UGT3A1: variants seen among roughly 807,000 people sequenced by gnomAD.
UGT3A1 encodes the protein UDP-glycosyltransferase 3A1.
UGT3A1 carries 40 observed loss-of-function variants against 37.6 expected under a neutral mutation model. The ratio of observed to expected loss-of-function variants is 1.06; its 90% CI spans 0.83 to 1.38. The LOEUF (loss-of-function observed/expected upper bound fraction) is 1.38. UGT3A1 is among the 40% of genes most tolerant of loss of function. The pLI is 0.00. For missense variants in UGT3A1, 642 were observed against 634.2 expected, an observed-to-expected ratio of 1.01 and a Z score of -0.13; for synonymous variants, 256 against 232.3, an observed-to-expected ratio of 1.10 and a Z score of -0.93.
chr5:35,967,819 T>C (rs751959433), intron 3 of UGT3A1, among the ~76,000 whole-genome samples, 200 bp downstream of exon 3: 1 of 152,080 alleles, frequency 6.6e-6, no homozygotes, highest in Non-Finnish European at 1.5e-5. Context: ...CACCCAGCTG[T>C]CCTCTATTTC....
At chr5:35,972,815 G>A (rs1269121285) in intron 2 of UGT3A1, among the ~76,000 whole-genome samples, 1 of 151,072 alleles carries the variant, frequency 6.6e-6, no homozygotes, top group African/African-American at 2.4e-5. Context: ...GGAAAGAAAA[G>A]AATGAGATCA....
At position 35,954,472 on chromosome 5, in the gene UGT3A1, C is replaced by T; in HGVS notation, c.1302G>A (p.Lys434=). 2.5e-6 allele frequency: 4 copies of T among 1,613,690 alleles called. No homozygotes were observed. The highest frequency in any genetic ancestry group is 3.4e-6 in the Non-Finnish European group (4 of 1,179,630). Residue 434 remains lysine, a synonymous_variant, in exon 7 of 7, where the codon AAG becomes AAA. Transcript: ENST00000274278. ...MKQVIEDKRY[K]SAVVAASVIL... ...TGACACTGGCTGCCACCACTGCCGA[C>T]TTGTACCTGTTGGCGGAGACAGAGA... is the stretch of plus-strand genomic sequence containing the variant.
At chr5:35,960,077 A>G (rs1169616925) in intron 4 of UGT3A1, among the ~76,000 whole-genome samples, 2 of 152,206 alleles carry the variant, frequency 1.3e-5, no homozygotes, top group Non-Finnish European at 2.9e-5. Context: ...GGCTTCATGA[A>G]TTGGGACACT....
chr5:35,958,414 C>T (rs1561455199), intron 4 of UGT3A1, among the ~76,000 whole-genome samples: 2 of 152,188 alleles, frequency 1.3e-5, no homozygotes, highest in Non-Finnish European at 2.9e-5. Flanking sequence ...TCTACTGGGT[C>T]ATTGTGTAGG....
At chr5:35,994,875 T>C (rs1741058554), upstream of UGT3A1, among the ~76,000 whole-genome samples, 1 of 152,154 alleles carries the variant, frequency 6.6e-6, no homozygotes, top group Admixed American at 6.5e-5. Flanking sequence ...TTGTGGCAAA[T>C]AGTCATGCAA....
At chr5:35,991,460 T>C (rs74622729), upstream of UGT3A1, 5,962 of 1,384,116 alleles carry the variant, frequency 4.3e-3, 124 homozygotes, top group East Asian at 0.062. Context: ...CCTCACCCTA[T>C]CAAACTACCT....
At chr5:35,954,617 T>C in intron 6 of UGT3A1, 139 bp from the exon 7 acceptor site, 2 of 1,119,592 alleles carry the variant, frequency 1.8e-6, no homozygotes, top group Non-Finnish European at 2.5e-6. Context: ...AGAAAATTTG[T>C]TGGCATGGCC....
chr5:35,995,113 A>G (rs998466380), upstream of UGT3A1, among the ~76,000 whole-genome samples: 1 of 151,910 alleles, frequency 6.6e-6, no homozygotes, highest in African/African-American at 2.4e-5. Context: ...CTCATCAAGA[A>G]CTCTGTAATC....
At position 35,959,211 on chromosome 5, in the gene UGT3A1, C is replaced by A. The variant is rs1017143639; in HGVS notation, c.844-1792G>T. On this transcript the variant is annotated intron_variant, in intron 4 of 6. Coordinates refer to ENST00000274278, the MANE Select transcript of UGT3A1 (RefSeq NM_152404.4). The stretch of plus-strand genomic sequence containing the variant: ...TCTTGATCAAAACACTCAAAACATG[C>A]TCTTCCATGCCAGACTGCAAAGACT... Among the ~76,000 whole-genome samples the A allele has an allele frequency of 2.0e-5, 3 of 152,182 alleles. No individual in the cohort carries two copies. The East Asian group carries it at 5.8e-4, about 29-fold the overall frequency.
chr5:35,970,152 A>G (rs1739977786), intron 2 of UGT3A1, among the ~76,000 whole-genome samples: 1 of 152,114 alleles, frequency 6.6e-6, no homozygotes, highest in African/African-American at 2.4e-5. Context: ...GAACTTTGGG[A>G]GGCTGAGGCA....
chr5:35,963,365 G>A (rs1739666999), intron 4 of UGT3A1, among the ~76,000 whole-genome samples: 1 of 152,110 alleles, frequency 6.6e-6, no homozygotes, highest in Admixed American at 6.6e-5. Context: ...CCTGAAACCT[G>A]GAATTGAGTT....
intron 2 of UGT3A1, among the ~76,000 whole-genome samples, chr5:35,979,764 G>A (rs147655002): frequency 0.02 from 2,978 of 152,266 alleles, 96 homozygotes; most frequent in African/African-American, 0.068. Flanking sequence ...TCATGCTGCT[G>A]ATAAAGACAT....
At chr5:35,996,542 G>A (rs138313111) in intron 2 of UGT3A1, among the ~76,000 whole-genome samples, 2 of 152,260 alleles carry the variant, frequency 1.3e-5, no homozygotes, top group East Asian at 1.9e-4. Context: ...AGTGTGACAC[G>A]TTAAGTAGGT....
At position 35,954,356 on chromosome 5, in the gene UGT3A1, G is replaced by A; in HGVS notation, c.1418C>T (p.Pro473Leu). ...LQTGGATHLK[P>L]YAFQQPWHEQ... Reference sequence around the variant, plus strand: ...ATGCCAAGGCTGCTGGAAGGCATAGGGCTTGAGGTGCGTCGCTCCCCCAGT... The same window carrying A: ...ATGCCAAGGCTGCTGGAAGGCATAGAGCTTGAGGTGCGTCGCTCCCCCAGT... The change falls in exon 7 of 7, where the codon CCC becomes CTC. Residue 473 changes from proline to leucine, a missense_variant. Pro to Leu is a moderately conservative substitution (Grantham distance 98). Coordinates refer to ENST00000274278, the MANE Select transcript of UGT3A1 (RefSeq NM_152404.4). 6.2e-7 allele frequency: 1 copy of A among 1,614,208 alleles called. No homozygotes were observed. The highest frequency in any genetic ancestry group is 8.5e-7 in the Non-Finnish European group (1 of 1,180,044).
At chr5:35,955,931 G>A in intron 5 of UGT3A1, 67 bp from the exon 6 acceptor site, 3 of 1,498,336 alleles carry the variant, frequency 2.0e-6, no homozygotes, top group African/African-American at 2.8e-5. Flanking sequence ...AGGTAAAGCA[G>A]AAAAGTCAGA....
At chr5:35,994,333 T>TTTGTTTGTGTGTG (rs1368444490), upstream of UGT3A1, among the ~76,000 whole-genome samples, 104 of 138,636 alleles carry the variant, frequency 7.5e-4, no homozygotes, top group East Asian at 7.8e-3. Context: ...TTTGTTTTGT[T>TTTGTTTGTGTGTG]TGTGTGTGTG....
At chr5:35,958,594 GA>G (rs1739450331) in intron 4 of UGT3A1, among the ~76,000 whole-genome samples, 1 of 152,166 alleles carries the variant, frequency 6.6e-6, no homozygotes, top group Non-Finnish European at 1.5e-5. Flanking sequence ...AGAAACATTT[GA>G]AAATCAACTG....
Position 35,965,744 on chromosome 5 carries a change from A to T in UGT3A1, c.485T>A (p.Phe162Tyr). The change falls in exon 4 of 7, where the codon TTT (phenylalanine) becomes TAT (tyrosine). Residue 162 changes from phenylalanine to tyrosine, a missense_variant. Coordinates refer to ENST00000274278, the MANE Select transcript of UGT3A1 (RefSeq NM_152404.4). ...FLIAEKLVKPFVAILPTTFGS... is the reference protein window; with the variant it reads ...FLIAEKLVKPYVAILPTTFGS... ...GAATGTGGTGGGAAGAATGGCCACA[A>T]ATGGTTTCACAAGCTTCTCAGCAAT... is the stretch of plus-strand genomic sequence containing the variant. The T allele has an allele frequency of 2.5e-6, 4 of 1,614,220 alleles. No individual in the cohort carries two copies. Among genetic ancestry groups the T allele is most frequent in the Admixed American group, 3.3e-5 (2 of 60,032 alleles).
rs1739780105 is a variant in UGT3A1, at chr5:35,965,728, G to A, written c.501C>T (p.Pro167=). 1 of 1,614,204 alleles carries A rather than the reference G, an allele frequency of 6.2e-7. No homozygotes were observed. The highest frequency in any genetic ancestry group is 8.5e-7 in the Non-Finnish European group (1 of 1,180,042). Reference sequence around the variant, plus strand: ...CAAAATCCAAAGAGCCGAATGTGGTGGGAAGAATGGCCACAAATGGTTTCA... The same window carrying A: ...CAAAATCCAAAGAGCCGAATGTGGTAGGAAGAATGGCCACAAATGGTTTCA... ...KLVKPFVAIL[P]TTFGSLDFGL... Residue 167 remains proline (P), a synonymous_variant, in exon 4 of 7, where the codon CCC becomes CCT. Transcript: ENST00000274278.
Sources: allele counts gnomAD v4.1 joint callset (sites outside exome capture counted in the v4.1 genomes callset), GRCh38; gene constraint gnomAD v4.1.1; transcripts MANE v1.5; gene names NCBI Gene and HGNC (gene_info 2026-07-23, HGNC 2026-07-21).